The following FAM3A variants were observed in gnomAD, a reference collection of about 807,000 sequenced individuals.
FAM3A encodes the protein FAM3 metabolism regulating signaling molecule A, also known as protein FAM3A.
Under a neutral mutation model 18.1 loss-of-function variants are expected in FAM3A, and 5 were observed. That is an observed-to-expected ratio of 0.28 (90% CI 0.14 to 0.58). The LOEUF (loss-of-function observed/expected upper bound fraction) is 0.58. Among genes scored for constraint, FAM3A ranks in the 20% least tolerant of loss-of-function variants. The pLI, the probability that FAM3A is intolerant of heterozygous loss-of-function variation, is 0.91. For synonymous variants in FAM3A, 108 were observed against 90.2 expected (o/e 1.20, Z -1.12); for missense variants, 154 against 216.6 (o/e 0.71, Z 1.81).
chrX:154,511,784 A>G (rs782530487), intron 3 of FAM3A, 64 bp downstream of exon 3: 2 of 1,097,225 alleles, frequency 1.8e-6, no homozygotes, highest in African/African-American at 1.8e-5. Flanking sequence ...CCGAAGCCCT[A>G]CGGGACCGGG....
Position 154,507,480 on chromosome X carries a change from G to A in FAM3A, c.396C>T (p.Asp132=). 8.3e-7 allele frequency: 1 copy of A among 1,209,933 alleles called. No homozygotes were observed. The highest frequency in any genetic ancestry group is 1.1e-6 in the Non-Finnish European group (1 of 895,003). ...GCAGTGGCCGAATAAACTTCAACAG[G>A]TCGTTGACATCTGGGGGGGCAGGTG... ...AFDMWAGDVN[D]LLKFIRPLHE... is the part of the protein sequence containing the mutation. The change falls in exon 7 of 9, where the codon GAC becomes GAT. Residue 132 remains aspartate (D), a synonymous_variant. Transcript: ENST00000447601.
chrX:154,507,943 G>A lies in FAM3A; in HGVS notation c.335-82C>T, dbSNP rs993744304. On this transcript the variant is annotated intron_variant, in intron 5 of 8. Transcript: ENST00000447601. ...AGGCGGGTAGCACCGGGGGTGGGGG[G>A]CAGCCCTTCTGGAAGCTTTCAAACA... The A allele has an allele frequency of 1.8e-4, 154 of 862,229 alleles. No individual in the cohort carries two copies. The East Asian group carries it at 5.2e-3, about 29-fold the overall frequency. 71.1% of individuals were successfully genotyped at this position (862,229 alleles called of 1,213,427 possible).
chrX:154,508,311 C>A lies in FAM3A; in HGVS notation c.312G>T (p.Gly104=). ...MSSVKDNVGR[G]LNIALVNGVS... ...CACCGTTCACCAGGGCGATGTTCAG[C>A]CCGCGGCCCACGTTGTCCTTGACGC... The change falls in exon 5 of 9, where the codon GGG becomes GGT. Residue 104 remains glycine (G), a synonymous_variant. Transcript: ENST00000447601. 9.2e-7 allele frequency: 1 copy of A among 1,081,162 alleles called. No homozygotes were observed. Among genetic ancestry groups the A allele is most frequent in the Non-Finnish European group, 1.2e-6 (1 of 833,821 alleles). 89.1% of individuals were successfully genotyped at this position (1,081,162 alleles called of 1,213,427 possible). A position where few individuals can be genotyped will look rare whatever the true frequency, so the allele number is the denominator to read the frequency against.
chrX:154,515,026 G>T (rs2070121131), intron 1 of FAM3A, among the ~76,000 whole-genome samples: 1 of 108,968 alleles, frequency 9.2e-6, no homozygotes, highest in East Asian at 2.9e-4. Flanking sequence ...CACCATGTTG[G>T]CCAGGCTGGT....
chrX:154,513,189 C>A (rs1441049838), intron 1 of FAM3A, among the ~76,000 whole-genome samples: 1 of 111,435 alleles, frequency 9.0e-6, no homozygotes, highest in East Asian at 2.8e-4. Context: ...TGGGAGGGGG[C>A]CTTCCAGAAC....
At chrX:154,512,974 A>G (rs782082955) in intron 1 of FAM3A, 38 bp from the exon 2 acceptor site, 1 of 963,504 alleles carries the variant, frequency 1.0e-6, no homozygotes, top group Admixed American at 2.3e-5. Flanking sequence ...GTCACCTCAG[A>G]TACCAGCGAA....
At chrX:154,514,607 T>C (rs1180481110) in intron 1 of FAM3A, among the ~76,000 whole-genome samples, 1 of 110,743 alleles carries the variant, frequency 9.0e-6, no homozygotes, top group Non-Finnish European at 1.9e-5. Context: ...GGTTTCACCA[T>C]GTTAGCCAGG....
At chrX:154,507,159 C>T (rs1453964267) in intron 8 of FAM3A, 44 bp downstream of exon 8, 47 of 1,167,648 alleles carry the variant, frequency 4.0e-5, no homozygotes, top group East Asian at 9.6e-5. Flanking sequence ...GCAGAAGGGG[C>T]GACAGGCTGC....
chrX:154,507,057 T>C, intron 8 of FAM3A, 146 bp downstream of exon 8: 1 of 928,378 alleles, frequency 1.1e-6, no homozygotes, highest in South Asian at 2.3e-5. Context: ...CAGGGAAACA[T>C]GGCATCAGCT....
chrX:154,507,305 G>A lies in FAM3A; in HGVS notation c.495C>T (p.Leu165=), dbSNP rs782725992. ...ATKMNEETRK[L]FSELGSRNAK... ...CGTTCCTGCTGCCCAGCTCACTGAA[G>A]AGCTTTCTGGTCTCTTCATTCATCC... Residue 165 remains leucine (L), a synonymous_variant, in exon 8 of 9, where the codon CTC becomes CTT. Transcript: ENST00000447601. 1 of 1,211,870 alleles carries A rather than the reference G, an allele frequency of 8.3e-7. No homozygotes were observed. Among genetic ancestry groups the A allele is most frequent in the Non-Finnish European group, 1.1e-6 (1 of 895,528 alleles).
At position 154,514,693 on chromosome X, in the gene FAM3A, C is replaced by T. The variant is rs372640528; in HGVS notation, c.13+1067G>A. ...TGCTGGGATTACAGGTGTGAGCCACCGCACCCGGCCATGCCTGGCTAATTT... is the reference window on the plus strand; with the variant it reads ...TGCTGGGATTACAGGTGTGAGCCACTGCACCCGGCCATGCCTGGCTAATTT... On this transcript the variant is annotated intron_variant, in intron 1 of 8. Transcript: ENST00000447601. Among the ~76,000 whole-genome samples the T allele has an allele frequency of 5.3e-4, 59 of 111,423 alleles. No individual in the cohort carries two copies. The South Asian group carries it at 0.013, about 25-fold the overall frequency.
intron 1 of FAM3A, 37 bp from the exon 2 acceptor site, chrX:154,512,973 G>C (rs782134864): frequency 6.2e-6 from 6 of 965,864 alleles, no homozygotes; most frequent in Non-Finnish European, 8.9e-6. Flanking sequence ...GGTCACCTCA[G>C]ATACCAGCGA....
chrX:154,509,408 G>C (rs2069744202), intron 3 of FAM3A: 1 of 113,232 alleles, frequency 8.8e-6, no homozygotes, highest in Non-Finnish European at 1.9e-5. Flanking sequence ...TGTTGTTTAA[G>C]CCACCCAGTT....
At chrX:154,511,455 A>G (rs2069866233) in intron 3 of FAM3A, 1 of 149,703 alleles carries the variant, frequency 6.7e-6, no homozygotes, top group Non-Finnish European at 1.3e-5. Context: ...GGTGGCCCCG[A>G]AGGTGGGGCT....
chrX:154,507,779 G>A (rs782483529), intron 6 of FAM3A, 32 bp downstream of exon 6: 6 of 1,162,446 alleles, frequency 5.2e-6, no homozygotes, highest in Non-Finnish European at 5.8e-6. Flanking sequence ...TTTTGCTGCA[G>A]TCAAAATGCA....
intron 1 of FAM3A, 131 bp downstream of exon 1, chrX:154,515,629 G>T: frequency 1.4e-6 from 1 of 695,759 alleles, no homozygotes; most frequent in Non-Finnish European, 2.3e-6. Context: ...GAGTGTTTGT[G>T]CAGAGTCCTC....
chrX:154,508,644 A>G, intron 3 of FAM3A, 47 bp from the exon 4 acceptor site: 1 of 1,164,133 alleles, frequency 8.6e-7, no homozygotes, highest in Non-Finnish European at 1.2e-6. Context: ...CCCTGAGGTC[A>G]CCTGAGATCT....
At chrX:154,509,105 T>C (rs1022786512) in intron 3 of FAM3A, 51 of 237,874 alleles carry the variant, frequency 2.1e-4, no homozygotes, top group African/African-American at 1.5e-3. Flanking sequence ...TGTTTGCAAA[T>C]AGGGCCTTTG....
At position 154,515,876 on chromosome X, in the gene FAM3A, C is replaced by T; in HGVS notation, c.-104G>A. 3.3e-6 allele frequency: 3 copies of T among 920,339 alleles called. No individual in the cohort carries two copies. The highest frequency in any genetic ancestry group is 4.1e-5 in the South Asian group (2 of 49,202). The allele number at this position is 920,339 out of a possible 1,213,427, so 75.8% of individuals were successfully genotyped here. ...GGTCAGGGGCAAGCCTGTGCGGGACCCCTGCTGGGGGCGGGCGCGATCGGT... is the reference window on the plus strand; with the variant it reads ...GGTCAGGGGCAAGCCTGTGCGGGACTCCTGCTGGGGGCGGGCGCGATCGGT... On this transcript the variant is annotated 5_prime_UTR_variant, in exon 1 of 9. Transcript: ENST00000447601.
Sources: allele counts gnomAD v4.1 joint callset (sites outside exome capture counted in the v4.1 genomes callset), GRCh38; gene constraint gnomAD v4.1.1; transcripts MANE v1.5; gene names NCBI Gene and HGNC (gene_info 2026-07-23, HGNC 2026-07-21).